Variants in ZCCHC4 observed in about 807,000 individuals in gnomAD.
The protein encoded by ZCCHC4 is zinc finger CCHC-type containing 4.
Under a neutral mutation model 67.7 loss-of-function variants are expected in ZCCHC4, and 54 were observed. The ratio of observed to expected loss-of-function variants is 0.80; its 90% CI spans 0.64 to 1.00. The LOEUF is 1.00. ZCCHC4 is among the 50% of genes least tolerant of loss of function. The pLI is 0.00. For synonymous variants in ZCCHC4, 198 were observed against 213.5 expected (o/e 0.93, Z 0.63); for missense variants, 609 against 617.0 (o/e 0.99, Z 0.14).
intron 10 of ZCCHC4, among the ~76,000 whole-genome samples, chr4:25,362,701 A>G (rs1265215774): frequency 6.6e-6 from 1 of 152,228 alleles, no homozygotes; most frequent in Non-Finnish European, 1.5e-5. Context: ...TATGCCAGAC[A>G]CTTTCCTAAG....
chr4:25,365,913 C>G (rs1329662914), intron 12 of ZCCHC4: 2 of 984,060 alleles, frequency 2.0e-6, no homozygotes, highest in Non-Finnish European at 2.4e-6. Context: ...TGATTAAGTC[C>G]TCTTCCTTTA....
chr4:25,359,302 C>T lies in ZCCHC4; in HGVS notation c.1012-2557C>T, dbSNP rs115476925. Among the ~76,000 whole-genome samples, 372 of 152,306 alleles carry T rather than the reference C, an allele frequency of 2.4e-3. 1 individual carries two copies. Among genetic ancestry groups the T allele is most frequent in the Non-Finnish European group, 3.9e-3 (265 of 68,022 alleles). ...CACCCAGTCCCTGAGGGATGCAGTA[C>T]AGATAAGGGCCCACCAGGTACAGAT... On this transcript the variant is annotated intron_variant, in intron 8 of 12. Coordinates refer to ENST00000302874, the MANE Select transcript of ZCCHC4 (RefSeq NM_024936.3). This position sits in a 1 kb window ranked among gnomAD's most constrained non-coding sequence, Gnocchi z 4.9.
At position 25,334,015 on chromosome 4, in the gene ZCCHC4, T is replaced by A. The variant is rs368204959; in HGVS notation, c.686+27T>A. ...TAGGTTTACAAAATACAGTATTTCCTTTCATTGTCTCCTGTTTCTTTTTAA... is the reference window on the plus strand; with the variant it reads ...TAGGTTTACAAAATACAGTATTTCCATTCATTGTCTCCTGTTTCTTTTTAA... On this transcript the variant is annotated intron_variant, in intron 5 of 12. Coordinates refer to ENST00000302874, the MANE Select transcript of ZCCHC4 (RefSeq NM_024936.3). 54 of 1,409,436 alleles carry A rather than the reference T, an allele frequency of 3.8e-5. No homozygotes were observed. The African/African-American group carries it at 6.8e-4, about 18-fold the overall frequency. 87.3% of individuals were successfully genotyped at this position (1,409,436 alleles called of 1,614,324 possible). A position where few individuals can be genotyped will look rare whatever the true frequency, so the allele number is the denominator to read the frequency against.
intron 5 of ZCCHC4, among the ~76,000 whole-genome samples, chr4:25,343,554 T>C (rs73096486): frequency 0.049 from 7,496 of 152,334 alleles, 614 homozygotes; most frequent in African/African-American, 0.17. Flanking sequence ...CATCATCTTA[T>C]TGTTATCCAG....
chr4:25,337,651 G>A (rs1719521636), intron 5 of ZCCHC4, among the ~76,000 whole-genome samples: 1 of 152,146 alleles, frequency 6.6e-6, no homozygotes, highest in Admixed American at 6.5e-5. Flanking sequence ...AGGGATGTAG[G>A]TGCTGGAGAG....
chr4:25,366,455 A>G (rs1333933588), intron 12 of ZCCHC4: 3 of 212,000 alleles, frequency 1.4e-5, no homozygotes, highest in Admixed American at 6.5e-5. Context: ...AGCTGGGACT[A>G]CAGGCGCCTG....
At chr4:25,354,312 A>G (rs1362676500) in intron 8 of ZCCHC4, among the ~76,000 whole-genome samples, 5 of 152,336 alleles carry the variant, frequency 3.3e-5, no homozygotes, top group Middle Eastern at 6.8e-3. Flanking sequence ...AGTGTGGACA[A>G]TAATTATGCA....
chr4:25,321,815 A>C (rs1198400412), intron 3 of ZCCHC4, among the ~76,000 whole-genome samples: 1 of 152,184 alleles, frequency 6.6e-6, no homozygotes, highest in Non-Finnish European at 1.5e-5. Context: ...GTACCTGGCC[A>C]AGGGATATTT....
chr4:25,365,707 ATC>A, intron 12 of ZCCHC4: 1 of 985,216 alleles, frequency 1.0e-6, no homozygotes, highest in Non-Finnish European at 1.2e-6. Flanking sequence ...TTATTTTCAC[ATC>A]TCTCACCAAT....
At chr4:25,336,804 G>A (rs2109068431) in intron 5 of ZCCHC4, among the ~76,000 whole-genome samples, 1 of 152,198 alleles carries the variant, frequency 6.6e-6, no homozygotes, top group Admixed American at 6.5e-5. Flanking sequence ...TGTTTTTTGA[G>A]TGCCTGTTAT....
At chr4:25,353,952 T>A (rs1252693001) in intron 8 of ZCCHC4, among the ~76,000 whole-genome samples, 1 of 152,162 alleles carries the variant, frequency 6.6e-6, no homozygotes. Context: ...TCTGAGAGAT[T>A]AAAATTGCAT....
At chr4:25,325,521 C>T (rs1718836684) in intron 3 of ZCCHC4, among the ~76,000 whole-genome samples, 1 of 152,046 alleles carries the variant, frequency 6.6e-6, no homozygotes, top group African/African-American at 2.4e-5. Context: ...GCCTCAGCCT[C>T]CCAAAGTACT....
chr4:25,351,497 T>A (rs1720293894), intron 7 of ZCCHC4, 92 bp from the exon 8 acceptor site: 3 of 796,778 alleles, frequency 3.8e-6, no homozygotes, highest in Non-Finnish European at 6.0e-6. Context: ...GTTGAATCAT[T>A]GCAATTTCTT....
chr4:25,355,933 C>G (rs559271686), intron 8 of ZCCHC4, among the ~76,000 whole-genome samples: 96 of 152,232 alleles, frequency 6.3e-4, no homozygotes, highest in African/African-American at 2.1e-3. Context: ...TCCAATAGAA[C>G]ACAATCCTTA....
In ZCCHC4 at chr4:25,365,018, A is replaced by T; in HGVS notation, c.1262-4A>T. ...TCCTTTAAAACTTAATTTTTATTTT[A>T]CAGCCTGGATCCACTGTAGCATCTG... On this transcript the variant is annotated splice_region_variant and splice_polypyrimidine_tract_variant and intron_variant, in intron 11 of 12. Transcript: ENST00000302874. The T allele has an allele frequency of 6.2e-7, 1 of 1,608,884 alleles. No individual in the cohort carries two copies. Among genetic ancestry groups the T allele is most frequent in the Non-Finnish European group, 8.5e-7 (1 of 1,178,766 alleles).
chr4:25,343,379 G>A (rs546520301), intron 5 of ZCCHC4, among the ~76,000 whole-genome samples: 1 of 152,184 alleles, frequency 6.6e-6, no homozygotes, highest in Non-Finnish European at 1.5e-5. Flanking sequence ...CACAGAACAA[G>A]AATAAATAGG....
intron 8 of ZCCHC4, among the ~76,000 whole-genome samples, chr4:25,358,827 A>C (rs577286799): frequency 6.6e-6 from 1 of 152,370 alleles, no homozygotes; most frequent in East Asian, 1.9e-4. Flanking sequence ...TACCCTGCTA[A>C]CGCTGTACAT....
At chr4:25,340,769 T>C (rs1425143996) in intron 5 of ZCCHC4, among the ~76,000 whole-genome samples, 1 of 152,218 alleles carries the variant, frequency 6.6e-6, no homozygotes, top group African/African-American at 2.4e-5. Context: ...TAAATGGTTT[T>C]CTGAATTTTA....
intron 7 of ZCCHC4, among the ~76,000 whole-genome samples, chr4:25,351,214 C>T (rs953045001): frequency 3.3e-5 from 5 of 152,192 alleles, no homozygotes; most frequent in African/African-American, 1.2e-4. Flanking sequence ...GGGATTCACA[C>T]CGAAGACCTA....
Sources: gnomAD v4.1 joint callset for allele counts (sites outside exome capture counted in the v4.1 genomes callset) on GRCh38, gnomAD v4.1.1 for gene constraint, Gnocchi (gnomAD v3.1) non-coding constraint, MANE v1.5 for transcripts, NCBI Gene and HGNC (gene_info 2026-07-23, HGNC 2026-07-21) for gene names.